XRN1: variants seen among roughly 807,000 people sequenced by gnomAD.
XRN1 encodes 5'-3' exoribonuclease 1.
A neutral mutation model predicts 222.3 loss-of-function variants in XRN1; 67 were observed. The observed-to-expected ratio is 0.30, with a 90% CI of 0.25 to 0.37. The LOEUF (loss-of-function observed/expected upper bound fraction) is 0.37. Ranked by LOEUF, XRN1 falls within the 10% of genes least tolerant of loss-of-function variation. The pLI is 1.00. For synonymous variants in XRN1, 643 were observed against 652.4 expected, an observed-to-expected ratio of 0.99 and a Z score of 0.22; for missense variants, 1,707 against 2,000.2, an observed-to-expected ratio of 0.85 and a Z score of 2.80.
chr3:142,364,314 C>T (rs2066750743), intron 29 of XRN1, among the ~76,000 whole-genome samples: 1 of 152,186 alleles, frequency 6.6e-6, no homozygotes, highest in Admixed American at 6.5e-5. Flanking sequence ...CTCCTGGGTG[C>T]ATGATGCTGC....
chr3:142,340,360 ACAAC>A (rs2065959697), intron 33 of XRN1, among the ~76,000 whole-genome samples: 1 of 151,900 alleles, frequency 6.6e-6, no homozygotes, highest in African/African-American at 2.4e-5. Context: ...CATCTCAAAA[ACAAC>A]CACACACACA....
chr3:142,435,339 A>T (rs2069834200), intron 1 of XRN1: 1 of 151,962 alleles, frequency 6.6e-6, no homozygotes, highest in Non-Finnish European at 1.5e-5. Flanking sequence ...CGGAGCTTGC[A>T]GTGAGCGGAG....
Position 142,418,409 on chromosome 3 carries a change from T to G in XRN1, c.1346+95A>C, listed in dbSNP as rs546063030. The G allele has an allele frequency of 5.1e-6, 5 of 979,862 alleles. No homozygotes were observed. The South Asian group carries it at 8.5e-5, about 17-fold the overall frequency. 60.7% of individuals were successfully genotyped at this position (979,862 alleles called of 1,614,324 possible). A position where few individuals can be genotyped will look rare whatever the true frequency, so the allele number is the denominator to read the frequency against. ...AATAATTCATGAAACCAAAAAATCC[T>G]TTTTCTCCCACTACTTCATCAAAAT... On this transcript the variant is annotated intron_variant, in intron 12 of 40. Transcript: ENST00000392981.
intron 38 of XRN1, 33 bp downstream of exon 38, chr3:142,318,757 A>C (rs746127230): frequency 5.0e-6 from 8 of 1,612,312 alleles, no homozygotes; most frequent in Non-Finnish European, 6.8e-6. Flanking sequence ...GACTAATAAA[A>C]ATTTTAATAG....
At chr3:142,418,347 C>G (rs1366311878) in intron 12 of XRN1, 157 bp downstream of exon 12, 2 of 560,340 alleles carry the variant, frequency 3.6e-6, no homozygotes, top group African/African-American at 1.9e-5. Flanking sequence ...AGAATTAATA[C>G]CATCTTCTCC....
At chr3:142,341,721 G>A (rs2066000057) in intron 33 of XRN1, among the ~76,000 whole-genome samples, 2 of 151,984 alleles carry the variant, frequency 1.3e-5, no homozygotes, top group South Asian at 4.1e-4. Flanking sequence ...ATAAAGGGAT[G>A]GAAAAAGTTA....
At chr3:142,438,973 G>C (rs2070064785) in intron 1 of XRN1, among the ~76,000 whole-genome samples, 3 of 151,998 alleles carry the variant, frequency 2.0e-5, no homozygotes, top group Non-Finnish European at 4.4e-5. Context: ...AAAGGAGACA[G>C]ACAAAGGGGT....
chr3:142,356,912 T>C lies in XRN1; in HGVS notation c.3672A>G (p.Gln1224=). 3 of 1,613,816 alleles carry C rather than the reference T, an allele frequency of 1.9e-6. No homozygotes were observed. Among genetic ancestry groups the C allele is most frequent in the South Asian group, 1.1e-5 (1 of 91,050 alleles). ...HSPQSLFVPT[Q]VPTKDDDEFC... ...AGAAGTTAAAGACTGAGAGTCTTAC[T>C]TGAGTAGGAACAAAAAGTGATTGAG... Residue 1224 remains glutamine, a splice_region_variant and synonymous_variant, in exon 31 of 41, where the codon CAA becomes CAG. Transcript: ENST00000392981.
rs746652025 is a variant in XRN1 at position 142,404,955 on chromosome 3, G to A, written c.1835C>T (p.Pro612Leu). The A allele has an allele frequency of 6.2e-7, 1 of 1,613,968 alleles. No individual in the cohort carries two copies. Among genetic ancestry groups the A allele is most frequent in the Non-Finnish European group, 8.5e-7 (1 of 1,179,916 alleles). Residue 612 changes from proline to leucine, a missense_variant, in exon 16 of 41, where the codon CCT becomes CTT. This residue lies in a region of XRN1 where 1,234 missense variants were observed against 1,518.2 expected (regional missense o/e 0.81). Coordinates refer to ENST00000392981, the MANE Select transcript of XRN1 (RefSeq NM_001282857.2). ...WYDRDTEFIYPSPWPEKFPAI... is the reference protein window; with the variant it reads ...WYDRDTEFIYLSPWPEKFPAI... ...AGGGAACTTTTCTGGCCATGGAGAA[G>A]GATAGATAAACTCTGTGTCTCTATC...
chr3:142,374,521 A>G (rs2067083017), intron 25 of XRN1, among the ~76,000 whole-genome samples: 1 of 152,208 alleles, frequency 6.6e-6, no homozygotes, highest in Admixed American at 6.5e-5. Context: ...CATTTACTTC[A>G]TCATAAGGAA....
At chr3:142,409,623 T>C (rs1199670669) in intron 15 of XRN1, among the ~76,000 whole-genome samples, 2 of 152,214 alleles carry the variant, frequency 1.3e-5, no homozygotes, top group Non-Finnish European at 2.9e-5. Flanking sequence ...CTGTTCTTTA[T>C]ATGGATTGTT....
rs1468836163 is a variant in XRN1, at chr3:142,309,312, C to T, written c.*2199G>A. On this transcript the variant is annotated 3_prime_UTR_variant, in exon 41 of 41. Transcript: ENST00000392981. ...AATCTCGGCTCACTGCAGACTCTGC[C>T]TCGCGGGTTCAAATGATTCTCATGC... The T allele has an allele frequency of 6.6e-6, 1 of 152,228 alleles. No individual in the cohort carries two copies. The highest frequency in any genetic ancestry group is 1.5e-5 in the Non-Finnish European group (1 of 68,076). The allele number at this position is 152,228 out of a possible 1,614,324, so 9.4% of individuals were successfully genotyped here. A position where few individuals can be genotyped will look rare whatever the true frequency, so the allele number is the denominator to read the frequency against.
chr3:142,327,571 C>T (rs1199535374), intron 37 of XRN1, among the ~76,000 whole-genome samples: 1 of 149,300 alleles, frequency 6.7e-6, no homozygotes, highest in African/African-American at 2.5e-5. Context: ...ATCTTTTGTA[C>T]TATTTTTAGT....
chr3:142,373,166 T>A (rs1046878273), intron 25 of XRN1, among the ~76,000 whole-genome samples: 8 of 152,144 alleles, frequency 5.3e-5, no homozygotes, highest in Non-Finnish European at 1.5e-5. Flanking sequence ...TAAATGAAGA[T>A]ATTCCATTCA....
At chr3:142,323,283 G>GT (rs570184478) in intron 37 of XRN1, among the ~76,000 whole-genome samples, 439 of 145,182 alleles carry the variant, frequency 3.0e-3, no homozygotes, top group Non-Finnish European at 4.2e-3. Context: ...CACTCTTAAG[G>GT]TTTTTTTTTT....
Position 142,397,426 on chromosome 3 carries a change from G to T in XRN1, c.2242C>A (p.Leu748Ile). ...GGTGGGGCAGTTCTTCCTGAATAAA[G>T]CTTCTGTGTTCCTGGAGGTTCTTCC... The part of the protein sequence containing the change: ...YLEEPPGTQK[L>I]YSGRTAPPSK... The change falls in exon 20 of 41, where the codon CTT (leucine) becomes ATT (isoleucine). Residue 748 changes from leucine to isoleucine, a missense_variant. Leu to Ile is a conservative substitution (Grantham distance 5). Coordinates refer to ENST00000392981, the MANE Select transcript of XRN1 (RefSeq NM_001282857.2). 6.2e-7 allele frequency: 1 copy of T among 1,607,660 alleles called. No individual in the cohort carries two copies.
intron 15 of XRN1, among the ~76,000 whole-genome samples, chr3:142,406,668 A>G (rs111944071): frequency 0.013 from 1,911 of 150,926 alleles, 44 homozygotes; most frequent in African/African-American, 0.043. Context: ...CTGGGAATAC[A>G]GGTATACACC....
intron 32 of XRN1, among the ~76,000 whole-genome samples, chr3:142,352,140 C>T (rs994021453): frequency 7.2e-5 from 11 of 152,164 alleles, no homozygotes; most frequent in South Asian, 2.1e-4. Flanking sequence ...CTTCTAACTA[C>T]GATTCTTGTT....
intron 2 of XRN1, among the ~76,000 whole-genome samples, chr3:142,431,905 TATATATAA>T (rs1372889792): frequency 2.9e-5 from 1 of 34,136 alleles, no homozygotes; most frequent in African/African-American, 1.6e-4. Context: ...ATATATATTA[TATATATAA>T]ATATATATAA....
Sources: allele counts gnomAD v4.1 joint callset (sites outside exome capture counted in the v4.1 genomes callset), GRCh38; gene constraint gnomAD v4.1.1; regional missense constraint gnomAD v4.1.1; transcripts MANE v1.5; gene names NCBI Gene and HGNC (gene_info 2026-07-23, HGNC 2026-07-21).